GRID1: variants seen among roughly 807,000 people sequenced by gnomAD.
The protein encoded by GRID1 is glutamate receptor ionotropic, delta-1.
Under a neutral mutation model 98.0 loss-of-function variants are expected in GRID1, and 28 were observed. The observed-to-expected ratio is 0.29, with a 90% CI of 0.21 to 0.39. GRID1 has a LOEUF of 0.39. GRID1 is among the 10% of genes least tolerant of loss of function. The probability of loss-of-function intolerance (pLI) is 1.00; values close to 1 mark genes in which losing one functional copy is unlikely to be tolerated. For synonymous variants in GRID1, 553 were observed against 538.5 expected, an observed-to-expected ratio of 1.03 and a Z score of -0.37; for missense variants, 1,111 against 1,340.5, an observed-to-expected ratio of 0.83 and a Z score of 2.67.
intron 3 of GRID1, among the ~76,000 whole-genome samples, chr10:86,167,447 T>C (rs573732656): frequency 1.3e-5 from 2 of 152,216 alleles, no homozygotes; most frequent in Admixed American, 6.5e-5. Flanking sequence ...AGAGGACAGA[T>C]CCCATAGGCC....
At position 86,206,744 on chromosome 10, in the gene GRID1, G is replaced by A; in HGVS notation, c.236-96C>T. 6.7e-6 allele frequency: 8 copies of A among 1,192,428 alleles called. No individual in the cohort carries two copies. Among genetic ancestry groups the A allele is most frequent in the East Asian group, 2.5e-5 (1 of 39,932 alleles). 73.9% of individuals were successfully genotyped at this position (1,192,428 alleles called of 1,614,324 possible). ...CCCCATGCCTGGCAGCTCATGCCCA[G>A]GACTCCCAAGAGAGGCTGCCTCCCT... On this transcript the variant is annotated intron_variant, in intron 2 of 15. Transcript: ENST00000327946. The surrounding 1 kb of genome is among the most constrained non-coding windows in gnomAD (Gnocchi z 4.1).
chr10:85,805,335 G>A (rs1422821060), intron 8 of GRID1, among the ~76,000 whole-genome samples: 2 of 151,592 alleles, frequency 1.3e-5, no homozygotes, highest in East Asian at 1.9e-4. Flanking sequence ...AACTATTGAT[G>A]AGAAAAATAA....
At chr10:85,669,239 A>T (rs1465219647) in intron 12 of GRID1, among the ~76,000 whole-genome samples, 2 of 152,184 alleles carry the variant, frequency 1.3e-5, no homozygotes, top group African/African-American at 4.8e-5. Flanking sequence ...TTAAGTAAGT[A>T]GGGGTGGAGG....
At chr10:85,757,128 G>C (rs1842107171) in intron 8 of GRID1, among the ~76,000 whole-genome samples, 2 of 152,178 alleles carry the variant, frequency 1.3e-5, no homozygotes, top group African/African-American at 4.8e-5. Flanking sequence ...TGGGGCGGCA[G>C]GGTTCACCCA....
At chr10:86,250,819 C>T (rs141303046) in intron 2 of GRID1, among the ~76,000 whole-genome samples, 6,019 of 152,086 alleles carry the variant, frequency 0.04, 234 homozygotes, top group Admixed American at 0.11. Context: ...CCCCTCTGCC[C>T]GGCCACCACC....
chr10:86,187,132 T>C (rs750715438), intron 3 of GRID1, among the ~76,000 whole-genome samples: 17 of 152,250 alleles, frequency 1.1e-4, no homozygotes, highest in Middle Eastern at 3.4e-3. Flanking sequence ...AGTATGGTCA[T>C]TGGGGGCGGG....
At chr10:85,635,471 C>T (rs961867122) in intron 13 of GRID1, among the ~76,000 whole-genome samples, 2 of 152,168 alleles carry the variant, frequency 1.3e-5, no homozygotes, top group Admixed American at 6.5e-5. Context: ...TTTTGCTGCT[C>T]ACTCATGTTT....
intron 12 of GRID1, among the ~76,000 whole-genome samples, chr10:85,700,109 T>G (rs1841435078): frequency 6.6e-6 from 1 of 152,194 alleles, no homozygotes; most frequent in Admixed American, 6.5e-5. Context: ...GCTGTTCCTT[T>G]GACTATGAAG....
At position 86,187,338 on chromosome 10, in the gene GRID1, T is replaced by C. The variant is rs191277228; in HGVS notation, c.520+19026A>G. ...TCTATACCTTACAAGAAGGCTATGA[T>C]GTAGACGCCTACAGGCAACCTGAGA... On this transcript the variant is annotated intron_variant, in intron 3 of 15. Coordinates refer to ENST00000327946, the MANE Select transcript of GRID1 (RefSeq NM_017551.3). 2.5e-3 allele frequency among the ~76,000 whole-genome samples: 378 copies of C among 152,298 alleles called. 2 individuals carry two copies. The highest frequency in any genetic ancestry group is 8.8e-3 in the African/African-American group (364 of 41,542).
At chr10:86,024,994 A>T (rs1018663401) in intron 4 of GRID1, among the ~76,000 whole-genome samples, 1 of 152,240 alleles carries the variant, frequency 6.6e-6, no homozygotes, top group African/African-American at 2.4e-5. Context: ...TTGCAGTGTC[A>T]GTCCCAATGT....
At chr10:86,181,697 T>C (rs996642956) in intron 3 of GRID1, among the ~76,000 whole-genome samples, 1 of 152,174 alleles carries the variant, frequency 6.6e-6, no homozygotes, top group Non-Finnish European at 1.5e-5. Context: ...TCCATAACTA[T>C]TTCAAGGAGC....
intron 4 of GRID1, among the ~76,000 whole-genome samples, chr10:86,007,354 G>C (rs1842872806): frequency 6.6e-6 from 1 of 152,168 alleles, no homozygotes; most frequent in Admixed American, 6.5e-5. Flanking sequence ...TTCCAAGTCT[G>C]AGGTCAGAAG....
At chr10:86,137,500 G>T (rs1167570634) in intron 4 of GRID1, among the ~76,000 whole-genome samples, 1 of 152,218 alleles carries the variant, frequency 6.6e-6, no homozygotes, top group Non-Finnish European at 1.5e-5. Flanking sequence ...GGGGGCCAGC[G>T]ATGAGATTAG....
At chr10:85,812,857 T>C (rs918700433) in intron 8 of GRID1, among the ~76,000 whole-genome samples, 1 of 151,634 alleles carries the variant, frequency 6.6e-6, no homozygotes, top group Non-Finnish European at 1.5e-5. Context: ...GTGTATATTA[T>C]ATATATATAC....
intron 4 of GRID1, among the ~76,000 whole-genome samples, chr10:86,027,027 C>A (rs1227571389): frequency 6.6e-6 from 1 of 152,242 alleles, no homozygotes; most frequent in Non-Finnish European, 1.5e-5. Context: ...CAAAGAGCTC[C>A]ACTCAGAAGG....
chr10:85,719,398 T>G (rs996060663), intron 12 of GRID1, among the ~76,000 whole-genome samples: 1 of 152,220 alleles, frequency 6.6e-6, no homozygotes. Context: ...GTTTTCACAC[T>G]GCTGATAAAG....
chr10:86,046,016 G>A (rs753198096), intron 4 of GRID1, among the ~76,000 whole-genome samples: 1 of 152,124 alleles, frequency 6.6e-6, no homozygotes, highest in Non-Finnish European at 1.5e-5. Flanking sequence ...TGGAGTCAGG[G>A]CTCAGACACC....
chr10:85,607,478 G>C (rs137930162), intron 15 of GRID1, among the ~76,000 whole-genome samples: 1 of 152,282 alleles, frequency 6.6e-6, no homozygotes, highest in East Asian at 1.9e-4. Flanking sequence ...CAACCCCAAC[G>C]GGCCGGGCTA....
rs1162836794 is a variant in GRID1 at position 86,263,947 on chromosome 10, A to T, written c.236-57299T>A. Among the ~76,000 whole-genome samples the T allele has an allele frequency of 3.3e-5, 5 of 152,254 alleles. No individual in the cohort carries two copies. In the East Asian group the frequency reaches 7.7e-4, roughly 24 times the overall value. On this transcript the variant is annotated intron_variant, in intron 2 of 15. Coordinates refer to ENST00000327946, the MANE Select transcript of GRID1 (RefSeq NM_017551.3). ...TGGCTCACATTTTGCAGAGGAGCAA[A>T]CAGAAAGCCAGAGAGGGGAAGGGAC...
Sources: allele counts gnomAD v4.1 joint callset (sites outside exome capture counted in the v4.1 genomes callset), GRCh38; gene constraint gnomAD v4.1.1; non-coding constraint Gnocchi (gnomAD v3.1); transcripts MANE v1.5; gene names NCBI Gene and HGNC (gene_info 2026-07-23, HGNC 2026-07-21).